The following CNTN4 variants were observed in gnomAD, a reference collection of about 807,000 sequenced individuals.
CNTN4 encodes contactin 4, also known as contactin-4.
A neutral mutation model predicts 122.5 loss-of-function variants in CNTN4; 77 were observed. The observed-to-expected ratio is 0.63, with a 90% confidence interval of 0.52 to 0.76. The LOEUF is 0.76. Ranked by LOEUF, CNTN4 falls within the 30% of genes least tolerant of loss-of-function variation. The probability of loss-of-function intolerance (pLI) is 0.00; values close to 1 mark genes in which losing one functional copy is unlikely to be tolerated. For synonymous variants in CNTN4, 512 were observed against 447.0 expected (o/e 1.15, Z -1.83); for missense variants, 1,256 against 1,259.1 (o/e 1.00, Z 0.04).
intron 2 of CNTN4, among the ~76,000 whole-genome samples, chr3:2,337,768 T>C (rs1186244219): frequency 6.6e-6 from 1 of 151,944 alleles, no homozygotes; most frequent in African/African-American, 2.4e-5. Flanking sequence ...GAAGAAAAAA[T>C]ATATATGACA....
chr3:2,855,584 ACTT>A (rs2093609424), intron 7 of CNTN4, among the ~76,000 whole-genome samples: 1 of 152,168 alleles, frequency 6.6e-6, no homozygotes. Context: ...ATCCAGTTTA[ACTT>A]TCCTTGTGCA....
intron 6 of CNTN4, among the ~76,000 whole-genome samples, chr3:2,809,521 C>A (rs913878172): frequency 4.6e-5 from 7 of 152,088 alleles, no homozygotes; most frequent in African/African-American, 1.7e-4. Context: ...AGTGAAGGGT[C>A]CATATTTTAT....
intron 3 of CNTN4, among the ~76,000 whole-genome samples, chr3:2,368,714 G>A (rs373936613): frequency 2.6e-5 from 4 of 152,076 alleles, no homozygotes; most frequent in South Asian, 4.1e-4. Flanking sequence ...ATCTCTGACT[G>A]CATTAGGAGA....
chr3:2,971,769 G>C lies in CNTN4; in HGVS notation c.1359-16576G>C, dbSNP rs567333419. Reference sequence around the variant, plus strand: ...ACTTTTAAGATTCTCTTTCTTGACAGGAACTTCAAGAATGGCAAGATATTT... The same window carrying C: ...ACTTTTAAGATTCTCTTTCTTGACACGAACTTCAAGAATGGCAAGATATTT... On this transcript the variant is annotated intron_variant, in intron 13 of 24. Coordinates refer to ENST00000418658, the MANE Select transcript of CNTN4 (RefSeq NM_175607.3). Among the ~76,000 whole-genome samples the C allele has an allele frequency of 7.9e-4, 120 of 152,208 alleles. 2 individuals carry two copies. The highest frequency in any genetic ancestry group is 2.7e-3 in the African/African-American group (114 of 41,544).
intron 4 of CNTN4, among the ~76,000 whole-genome samples, chr3:2,676,236 G>C (rs972688338): frequency 6.6e-6 from 1 of 150,814 alleles, no homozygotes; most frequent in Non-Finnish European, 1.5e-5. Flanking sequence ...TTTTTGTGGT[G>C]GGGGGCACAG....
At chr3:2,848,429 C>T (rs2093491922) in intron 7 of CNTN4, among the ~76,000 whole-genome samples, 2 of 152,194 alleles carry the variant, frequency 1.3e-5, no homozygotes, top group South Asian at 4.1e-4. Flanking sequence ...TTTGAAAACA[C>T]ATTTCCAGAA....
rs2047594772 is a variant in CNTN4, at chr3:2,421,011, A to G, written c.-89+81778A>G. On this transcript the variant is annotated intron_variant, in intron 3 of 24. Coordinates refer to ENST00000418658, the MANE Select transcript of CNTN4 (RefSeq NM_175607.3). Reference sequence around the variant, plus strand: ...AGTGTTTGCCCTGTTTTTGAAGTACACATGTGCTTCTGGGAAAACTCAAAC... The same window carrying G: ...AGTGTTTGCCCTGTTTTTGAAGTACGCATGTGCTTCTGGGAAAACTCAAAC... Among the ~76,000 whole-genome samples, 4 of 152,274 alleles carry G rather than the reference A, an allele frequency of 2.6e-5. No individual in the cohort carries two copies. The East Asian group carries it at 5.8e-4, about 22-fold the overall frequency.
At position 2,428,568 on chromosome 3, in the gene CNTN4, G is replaced by A. The variant is rs544772810; in HGVS notation, c.-89+89335G>A. On this transcript the variant is annotated intron_variant, in intron 3 of 24. Coordinates refer to ENST00000418658, the MANE Select transcript of CNTN4 (RefSeq NM_175607.3). ...TATGAGTCTTGGAGTTGCTCTTCTC[G>A]AGGAGTATCTTTGTTGCATTCTCTG... is the stretch of plus-strand genomic sequence containing the variant. Among the ~76,000 whole-genome samples, 161 of 152,142 alleles carry A rather than the reference G, an allele frequency of 1.1e-3. 2 individuals are homozygous for A. Among genetic ancestry groups the A allele is most frequent in the Middle Eastern group, 3.4e-3 (1 of 292 alleles).
chr3:2,563,647 T>C (rs1310862016), intron 3 of CNTN4, among the ~76,000 whole-genome samples: 2 of 152,240 alleles, frequency 1.3e-5, no homozygotes, highest in South Asian at 2.1e-4. Context: ...GTGAGAAAAA[T>C]CATAGCTTTG....
intron 3 of CNTN4, among the ~76,000 whole-genome samples, chr3:2,523,410 C>G (rs561851386): frequency 6.8e-6 from 1 of 147,578 alleles, no homozygotes; most frequent in South Asian, 2.2e-4. Flanking sequence ...TGACAGCTGT[C>G]ATGGGAATGG....
chr3:2,525,387 A>G (rs1428811433), intron 3 of CNTN4, among the ~76,000 whole-genome samples: 2 of 152,174 alleles, frequency 1.3e-5, no homozygotes, highest in African/African-American at 4.8e-5. Flanking sequence ...TTGTGAACAT[A>G]ACAACTGACT....
intron 6 of CNTN4, among the ~76,000 whole-genome samples, chr3:2,751,554 A>G (rs6804843): frequency 0.88 from 133,162 of 152,156 alleles, 59,331 homozygotes; most frequent in Non-Finnish European, 0.97. Context: ...CCATAGACGA[A>G]TAAATCAGAA....
intron 3 of CNTN4, among the ~76,000 whole-genome samples, chr3:2,408,113 C>G (rs1314063905): frequency 6.6e-6 from 1 of 152,178 alleles, no homozygotes; most frequent in African/African-American, 2.4e-5. Flanking sequence ...TTGCAGACAA[C>G]TGTGTCATAC....
chr3:2,202,120 G>T (rs914030361), intron 2 of CNTN4, among the ~76,000 whole-genome samples: 1 of 152,062 alleles, frequency 6.6e-6, no homozygotes, highest in African/African-American at 2.4e-5. Context: ...AAGGAATTAT[G>T]ACACCCCCTC....
rs1039111764 is a variant in CNTN4, at chr3:3,016,676, G to A, written c.1487-9426G>A. Among the ~76,000 whole-genome samples, 8 of 152,276 alleles carry A rather than the reference G, an allele frequency of 5.3e-5. 3 individuals carry two copies. The highest frequency in any genetic ancestry group is 6.5e-5 in the Admixed American group (1 of 15,284). On this transcript the variant is annotated intron_variant, in intron 14 of 24. Coordinates refer to ENST00000418658, the MANE Select transcript of CNTN4 (RefSeq NM_175607.3). ...CTTCATAATTAAATAGGTGCTTTAT[G>A]CTACACATTTTGACCAGGCAGATCT... is the stretch of plus-strand genomic sequence containing the variant.
intron 10 of CNTN4, among the ~76,000 whole-genome samples, chr3:2,893,983 T>G (rs2094076663): frequency 6.6e-6 from 1 of 152,146 alleles, no homozygotes; most frequent in Non-Finnish European, 1.5e-5. Context: ...AATGGAGAAT[T>G]TAACTTAGAA....
At chr3:2,823,110 C>T (rs560346111) in intron 7 of CNTN4, among the ~76,000 whole-genome samples, 154 of 152,244 alleles carry the variant, frequency 1.0e-3, no homozygotes, top group African/African-American at 3.4e-3. Flanking sequence ...TGCAACTGAA[C>T]GGCAGTGATT....
intron 2 of CNTN4, among the ~76,000 whole-genome samples, chr3:2,332,982 G>C (rs961525486): frequency 6.6e-6 from 1 of 152,138 alleles, no homozygotes; most frequent in African/African-American, 2.4e-5. Context: ...TAAACCATGT[G>C]CTGCAGTTTC....
In CNTN4 at chr3:2,346,044, T is replaced by C. The variant is rs148970208; in HGVS notation, c.-89+6811T>C. On this transcript the variant is annotated intron_variant, in intron 3 of 24. Transcript: ENST00000418658. ...CAGTGTGAATTTTCCCCCCTTCTTT[T>C]TTACTAAGGGAATTGAATTTTTTTG... is the stretch of plus-strand genomic sequence containing the variant. 6.7e-3 allele frequency among the ~76,000 whole-genome samples: 1,028 copies of C among 152,302 alleles called. 12 individuals are homozygous for C. Among genetic ancestry groups the C allele is most frequent in the African/African-American group, 0.024 (978 of 41,576 alleles).
Sources: allele counts gnomAD v4.1 joint callset (sites outside exome capture counted in the v4.1 genomes callset), GRCh38; gene constraint gnomAD v4.1.1; transcripts MANE v1.5; gene names NCBI Gene and HGNC (gene_info 2026-07-23, HGNC 2026-07-21).